DUOX2: variants seen among roughly 807,000 people sequenced by gnomAD.
The protein encoded by DUOX2 is NADH/NADPH thyroid oxidase p138-tox.
Under a neutral mutation model 183.3 loss-of-function variants are expected in DUOX2, and 185 were observed. That is an observed-to-expected ratio of 1.01 (90% CI 0.90 to 1.14). DUOX2 has a LOEUF of 1.14. Ranked by LOEUF, DUOX2 falls within the 50% of genes most tolerant of loss-of-function variation. The pLI, the probability that DUOX2 is intolerant of heterozygous loss-of-function variation, is 0.00. For missense variants in DUOX2, 1,999 were observed against 2,022.9 expected (o/e 0.99, Z 0.23); for synonymous variants, 788 against 812.4 (o/e 0.97, Z 0.51).
chr15:45,097,224 G>A lies in DUOX2; in HGVS notation c.3847+14C>T. 6.2e-7 allele frequency: 1 copy of A among 1,614,066 alleles called. No homozygotes were observed. The highest frequency in any genetic ancestry group is 8.5e-7 in the Non-Finnish European group (1 of 1,180,026). ...CTCTGTCGCTCCCGACCCAGGTCAGGCTGGGCCTGATACCTGAGGGCAGCA... is the reference window on the plus strand; with the variant it reads ...CTCTGTCGCTCCCGACCCAGGTCAGACTGGGCCTGATACCTGAGGGCAGCA... On this transcript the variant is annotated intron_variant, in intron 29 of 33. Coordinates refer to ENST00000389039, the MANE Select transcript of DUOX2 (RefSeq NM_001363711.2).
In DUOX2 at chr15:45,112,555, A is replaced by G; in HGVS notation, c.324T>C (p.Phe108=). 1 of 1,612,816 alleles carries G rather than the reference A, an allele frequency of 6.2e-7. No homozygotes were observed. The highest frequency in any genetic ancestry group is 8.5e-7 in the Non-Finnish European group (1 of 1,179,640). Residue 108 remains phenylalanine, a splice_region_variant and synonymous_variant, in exon 4 of 34, where the codon TTT becomes TTC. Coordinates refer to ENST00000389039, the MANE Select transcript of DUOX2 (RefSeq NM_001363711.2). ...ACTGGTCTCCCCCTTTGCCCTCACCAAAGAAGACCCCCAGTACGGTGCGGT... is the reference window on the plus strand; with the variant it reads ...ACTGGTCTCCCCCTTTGCCCTCACCGAAGAAGACCCCCAGTACGGTGCGGT... The part of the protein sequence containing the change: ...LHNRTVLGVF[F]GYHVLSDVVS...
Position 45,113,203 on chromosome 15 carries a change from A to C in DUOX2, c.71-127T>G, listed in dbSNP as rs1418198904. On this transcript the variant is annotated intron_variant, in intron 2 of 33. Transcript: ENST00000389039. ...TAACCGGACCCAAGTGTCGGGCCGC[A>C]CTGGGAAGTTTCCCATCCCGCTGAG... 4.2e-6 allele frequency: 6 copies of C among 1,442,486 alleles called. No individual in the cohort carries two copies. The Admixed American group carries it at 7.9e-5, about 19-fold the overall frequency. 89.4% of individuals were successfully genotyped at this position (1,442,486 alleles called of 1,614,324 possible).
Position 45,111,780 on chromosome 15 carries a change from G to T in DUOX2, c.501C>A (p.Asn167Lys). The T allele has an allele frequency of 6.2e-7, 1 of 1,605,598 alleles. No individual in the cohort carries two copies. The highest frequency in any genetic ancestry group is 8.5e-7 in the Non-Finnish European group (1 of 1,176,856). The stretch of plus-strand genomic sequence containing the variant: ...TTCCCCGCCTCACCAGGTCCCGGGG[G>T]TTGCTGGGACTCCGTCCGGTCTCGG... ...WDPETGRSPSNPRDLANQVTG... is the reference protein window; with the variant it reads ...WDPETGRSPSKPRDLANQVTG... The change falls in exon 5 of 34, where the codon AAC becomes AAA. Residue 167 changes from asparagine to lysine, a missense_variant. Asn to Lys is a moderately conservative substitution (Grantham distance 94). Around this residue, in one of 3 missense-constraint regions of DUOX2, gnomAD observed 356 missense variants for 356.4 expected, o/e 1.00. Coordinates refer to ENST00000389039, the MANE Select transcript of DUOX2 (RefSeq NM_001363711.2).
chr15:45,113,441 G>A lies in DUOX2; in HGVS notation c.-14-16C>T, dbSNP rs1894508816. On this transcript the variant is annotated splice_polypyrimidine_tract_variant and intron_variant, in intron 1 of 33. Coordinates refer to ENST00000389039, the MANE Select transcript of DUOX2 (RefSeq NM_001363711.2). Reference sequence around the variant, plus strand: ...ACCCTGCAGCCTGCGGGGTGAGGGTGGGGGTGGTAGGTGGTATGCGAAAGC... The same window carrying A: ...ACCCTGCAGCCTGCGGGGTGAGGGTAGGGGTGGTAGGTGGTATGCGAAAGC... The A allele has an allele frequency of 6.5e-7, 1 of 1,549,612 alleles. No homozygotes were observed. The highest frequency in any genetic ancestry group is 2.0e-5 in the Admixed American group (1 of 51,226).
intron 17 of DUOX2, 92 bp downstream of exon 17, chr15:45,106,033 T>C (rs73406335): frequency 6.0e-6 from 9 of 1,491,064 alleles, no homozygotes; most frequent in Admixed American, 1.8e-5. Context: ...GCTGTCATAG[T>C]TGAGCTCTGT....
intron 27 of DUOX2, 53 bp downstream of exon 27, chr15:45,097,956 G>A: frequency 1.9e-6 from 3 of 1,584,590 alleles, no homozygotes; most frequent in South Asian, 2.2e-5. Flanking sequence ...ACAGAGAGAT[G>A]GAGACAAAAG....
At chr15:45,101,345 C>T in intron 21 of DUOX2, 71 bp from the exon 22 acceptor site, 2 of 1,323,694 alleles carry the variant, frequency 1.5e-6, no homozygotes, top group African/African-American at 1.4e-5. Flanking sequence ...AGACTGTGCC[C>T]TCCTCCCTTC....
intron 12 of DUOX2, 46 bp from the exon 13 acceptor site, chr15:45,108,268 A>C: frequency 6.2e-7 from 1 of 1,605,584 alleles, no homozygotes; most frequent in Non-Finnish European, 8.5e-7. Flanking sequence ...TTTGCTGCGG[A>C]GGGCAGCCAC....
In DUOX2 at chr15:45,092,868, T is replaced by C. The variant is rs1159802272; in HGVS notation, c.*1282A>G. ...AGAGGCCAGTCTCAAAAGAGTATATTTAGTAGGACCAAAACTGGATTTGGT... is the reference window on the plus strand; with the variant it reads ...AGAGGCCAGTCTCAAAAGAGTATATCTAGTAGGACCAAAACTGGATTTGGT... On this transcript the variant is annotated 3_prime_UTR_variant, in exon 34 of 34. Transcript: ENST00000389039. 1 of 152,140 alleles carries C rather than the reference T, an allele frequency of 6.6e-6. No homozygotes were observed. The highest frequency in any genetic ancestry group is 1.5e-5 in the Non-Finnish European group (1 of 68,036). The allele number at this position is 152,140 out of a possible 1,614,324, so 9.4% of individuals were successfully genotyped here.
Position 45,112,948 on chromosome 15 carries a change from G to T in DUOX2, c.160+39C>A, listed in dbSNP as rs74367551. On this transcript the variant is annotated intron_variant, in intron 3 of 33. Coordinates refer to ENST00000389039, the MANE Select transcript of DUOX2 (RefSeq NM_001363711.2). The stretch of plus-strand genomic sequence containing the variant: ...GGCCTTTCGCGCCCCGGCCCTTCGC[G>T]AGCCACGGCCCCAGCACGCCCGGGC... 12,823 of 1,606,904 alleles carry T rather than the reference G, an allele frequency of 8.0e-3. 933 individuals carry two copies. The African/African-American group carries it at 0.16, about 20-fold the overall frequency.
chr15:45,099,096 C>T lies in DUOX2; in HGVS notation c.3515+287G>A, dbSNP rs4774515. 0.021 allele frequency: 7,474 copies of T among 363,370 alleles called. 420 individuals are homozygous for T. Among genetic ancestry groups the T allele is most frequent in the African/African-American group, 0.12 (5,817 of 46,894 alleles). The allele number at this position is 363,370 out of a possible 1,614,324, so 22.5% of individuals were successfully genotyped here. ...CGCTATCCCGGCTCACTGCAAGCTCCGCCTCTTGGGTTCATGCCATTCTCC... is the reference window on the plus strand; with the variant it reads ...CGCTATCCCGGCTCACTGCAAGCTCTGCCTCTTGGGTTCATGCCATTCTCC... On this transcript the variant is annotated intron_variant, in intron 26 of 33. Coordinates refer to ENST00000389039, the MANE Select transcript of DUOX2 (RefSeq NM_001363711.2).
chr15:45,096,156 TG>T, intron 29 of DUOX2, 96 bp from the exon 30 acceptor site: 1 of 1,059,470 alleles, frequency 9.4e-7, no homozygotes, highest in South Asian at 1.3e-5. Flanking sequence ...CCCTGAGGCC[TG>T]GGGAGTAGTC....
intron 14 of DUOX2, 63 bp downstream of exon 14, chr15:45,107,282 C>T: frequency 6.3e-7 from 1 of 1,594,154 alleles, no homozygotes; most frequent in African/African-American, 1.3e-5. Flanking sequence ...GATTCCCCCG[C>T]ACCCTCAATC....
In DUOX2 at chr15:45,108,159, C is replaced by T. The variant is rs191759494; in HGVS notation, c.1462G>A (p.Gly488Arg). The T allele has an allele frequency of 1.1e-4, 177 of 1,614,132 alleles. No individual in the cohort carries two copies. The East Asian group carries it at 2.4e-3, about 22-fold the overall frequency. ...GGGTCCCCATGGCTCTCCAGGAGCC[C>T]CCCAAGGAGCAGCTCTAGCTGGGAT... ...DLSQLELLLG[G>R]LLESHGDPGP... Residue 488 changes from glycine (G) to arginine (R), a missense_variant, in exon 13 of 34, where the codon GGG (glycine) becomes AGG (arginine). Coordinates refer to ENST00000389039, the MANE Select transcript of DUOX2 (RefSeq NM_001363711.2).
Position 45,097,817 on chromosome 15 carries a change from C to A in DUOX2, c.3566-76G>T, listed in dbSNP as rs1487655137. On this transcript the variant is annotated intron_variant, in intron 27 of 33. Coordinates refer to ENST00000389039, the MANE Select transcript of DUOX2 (RefSeq NM_001363711.2). ...GCTGAAAAGACAACAGCACATTCCC[C>A]TATCCTTCCCTCCTTCCTCTCTCAT... The A allele has an allele frequency of 2.1e-5, 33 of 1,608,302 alleles. No homozygotes were observed. In the East Asian group the frequency reaches 6.0e-4, roughly 29 times the overall value.
At chr15:45,105,870 G>T in intron 17 of DUOX2, 42 bp from the exon 18 acceptor site, 1 of 1,610,542 alleles carries the variant, frequency 6.2e-7, no homozygotes, top group Non-Finnish European at 8.5e-7. Flanking sequence ...GAGCTCGCTG[G>T]ACCTTCTGCT....
intron 26 of DUOX2, 54 bp downstream of exon 26, chr15:45,099,329 T>C: frequency 6.5e-7 from 1 of 1,543,170 alleles, no homozygotes; most frequent in South Asian, 1.1e-5. Context: ...CTTTTTCTAT[T>C]ATACCCTTGG....
intron 25 of DUOX2, 55 bp from the exon 26 acceptor site, chr15:45,099,537 T>C: frequency 1.3e-6 from 2 of 1,587,114 alleles, no homozygotes; most frequent in Middle Eastern, 1.7e-4. Context: ...CTACCTCCGA[T>C]CCTGAGGGAG....
Position 45,107,377 on chromosome 15 carries a change from G to T in DUOX2, c.1661C>A (p.Ala554Asp). 6.2e-7 allele frequency: 1 copy of T among 1,614,222 alleles called. No homozygotes were observed. Among genetic ancestry groups the T allele is most frequent in the Non-Finnish European group, 8.5e-7 (1 of 1,180,030 alleles). The part of the protein sequence containing the change: ...LVAVINIDPS[A>D]LQPNVFVWHK... ...CCAGACAAAGACATTGGGCTGCAGG[G>T]CACTGGGGTCAATGTTGATAACAGC... The change falls in exon 14 of 34, where the codon GCC becomes GAC. Residue 554 changes from alanine (A) to aspartate (D), a missense_variant. Physicochemically the swap from Ala to Asp is moderately radical, Grantham distance 126. Coordinates refer to ENST00000389039, the MANE Select transcript of DUOX2 (RefSeq NM_001363711.2).
Sources: allele counts gnomAD v4.1 joint callset, GRCh38; gene constraint gnomAD v4.1.1; regional missense constraint gnomAD v4.1.1; transcripts MANE v1.5; gene names NCBI Gene and HGNC (gene_info 2026-07-23, HGNC 2026-07-21).